TOX2: variants seen among roughly 807,000 people sequenced by gnomAD.
TOX2 encodes granulosa cell HMG box 1.
TOX2 carries 15 observed loss-of-function variants against 47.4 expected under a neutral mutation model. That is an observed-to-expected ratio of 0.32 (90% confidence interval 0.21 to 0.49). TOX2 has a LOEUF of 0.49. Ranked by LOEUF, TOX2 falls within the 20% of genes least tolerant of loss-of-function variation. TOX2 has a pLI of 0.99. For missense variants in TOX2, 622 were observed against 673.1 expected (o/e 0.92, Z 0.84); for synonymous variants, 290 against 296.6 (o/e 0.98, Z 0.23).
intron 1 of TOX2, among the ~76,000 whole-genome samples, chr20:43,927,634 TCCTTCCTCCCCTTCCCTTCCCTTCC>T (rs2069190350): frequency 3.1e-5 from 4 of 129,966 alleles, no homozygotes; most frequent in African/African-American, 6.3e-5. Context: ...CCTCCTTCCT[TCCTTCCTCCCCTTCCCTTCCCTTCC>T]CCTTCCTTCC....
chr20:43,973,374 G>A lies in TOX2; in HGVS notation c.107G>A (p.Gly36Asp). The change falls in exon 2 of 9, where the codon GGT (glycine) becomes GAT (aspartate). Residue 36 changes from glycine to aspartate, a missense_variant. Around this residue, in one of 3 missense-constraint regions of TOX2, gnomAD observed 307 missense variants for 327.3 expected, o/e 0.94. Coordinates refer to ENST00000341197, the MANE Select transcript of TOX2 (RefSeq NM_001098797.2). ...CCTCTCTCTCTATTCTAGTTTGATG[G>A]TGACAGTGCCTACGTGGGGATGAGT... ...LDYYHGGKFDGDSAYVGMSDG... is the reference protein window; with the variant it reads ...LDYYHGGKFDDDSAYVGMSDG... 1.2e-6 allele frequency: 2 copies of A among 1,614,104 alleles called. No individual in the cohort carries two copies. The highest frequency in any genetic ancestry group is 2.2e-5 in the South Asian group (2 of 91,068).
intron 4 of TOX2, among the ~76,000 whole-genome samples, chr20:44,053,622 A>G (rs1179772421): frequency 1.3e-5 from 2 of 148,738 alleles, no homozygotes; most frequent in Non-Finnish European, 2.9e-5. Context: ...ATACACACAC[A>G]CACACACGTA....
chr20:43,943,980 A>G (rs1007766883), intron 1 of TOX2, among the ~76,000 whole-genome samples: 10 of 152,216 alleles, frequency 6.6e-5, no homozygotes, highest in African/African-American at 1.4e-4. Flanking sequence ...TATCATCCTA[A>G]GCTTATATAA....
At chr20:43,983,546 G>A (rs1234267059) in intron 2 of TOX2, among the ~76,000 whole-genome samples, 1 of 152,176 alleles carries the variant, frequency 6.6e-6, no homozygotes, top group Non-Finnish European at 1.5e-5. Context: ...TTCCAGCAGG[G>A]GGCAGTGTCA....
At chr20:44,025,755 A>G (rs939507955) in intron 3 of TOX2, among the ~76,000 whole-genome samples, 4 of 151,820 alleles carry the variant, frequency 2.6e-5, no homozygotes, top group Non-Finnish European at 5.9e-5. Context: ...TGATGCCATC[A>G]GGAGAGCAGG....
intron 1 of TOX2, among the ~76,000 whole-genome samples, chr20:43,961,123 A>T (rs1432842751): frequency 6.6e-6 from 1 of 152,250 alleles, no homozygotes; most frequent in African/African-American, 2.4e-5. Context: ...GGGTGCCCCC[A>T]TGGCAGAGGG....
In TOX2 at chr20:44,040,311, AG is replaced by A. The variant is rs1305941049; in HGVS notation, c.412-10993del. Among the ~76,000 whole-genome samples, 7 of 152,342 alleles carry A rather than the reference AG, an allele frequency of 4.6e-5. No homozygotes were observed. The East Asian group carries it at 1.3e-3, about 29-fold the overall frequency. ...AGATGGGAGGAAATGTCAGAACCTT[AG>A]GAACACCAGCGTTTAGTGGGTGGGC... On this transcript the variant is annotated intron_variant, in intron 3 of 8. Coordinates refer to ENST00000341197, the MANE Select transcript of TOX2 (RefSeq NM_001098797.2).
intron 2 of TOX2, 122 bp downstream of exon 2, chr20:43,973,554 CTGAA>C (rs2070017086): frequency 1.3e-6 from 1 of 789,290 alleles, no homozygotes; most frequent in African/African-American, 1.7e-5. Flanking sequence ...TGTCTTCTCT[CTGAA>C]TGATCAAGAA....
intron 5 of TOX2, among the ~76,000 whole-genome samples, chr20:44,060,555 C>T (rs536462699): frequency 3.3e-5 from 5 of 152,188 alleles, no homozygotes; most frequent in Admixed American, 6.5e-5. Context: ...ATATCAAGTA[C>T]TCTCTCAGAA....
At chr20:44,053,196 CTGGAAGCCCTAAGTCAAG>C (rs1211381442) in intron 4 of TOX2, among the ~76,000 whole-genome samples, 2 of 152,180 alleles carry the variant, frequency 1.3e-5, no homozygotes, top group African/African-American at 4.8e-5. Context: ...CCACCCCATC[CTGGAAGCCCTAAGTCAAG>C]TGTTCACAGG....
intron 3 of TOX2, among the ~76,000 whole-genome samples, chr20:44,033,678 A>C (rs1284591518): frequency 1.3e-5 from 2 of 148,834 alleles, no homozygotes; most frequent in African/African-American, 5.1e-5. Context: ...GATACGGTTC[A>C]TCCAAAAAAA....
chr20:44,005,680 C>G (rs1334841964), intron 2 of TOX2, among the ~76,000 whole-genome samples: 1 of 152,144 alleles, frequency 6.6e-6, no homozygotes, highest in African/African-American at 2.4e-5. Flanking sequence ...GGAGAAAGGT[C>G]ATTTGAGCCT....
At position 44,029,635 on chromosome 20, in the gene TOX2, G is replaced by A. The variant is rs540926023; in HGVS notation, c.412-21671G>A. On this transcript the variant is annotated intron_variant, in intron 3 of 8. Coordinates refer to ENST00000341197, the MANE Select transcript of TOX2 (RefSeq NM_001098797.2). ...CATGTTCCAGTCACCCGCTTCTGCA[G>A]TTAGGATCCCCATGGGGAATTGCTG... is the stretch of plus-strand genomic sequence containing the variant. 4.7e-4 allele frequency among the ~76,000 whole-genome samples: 71 copies of A among 152,276 alleles called. No individual in the cohort carries two copies. The East Asian group carries it at 5.4e-3, about 12-fold the overall frequency.
At chr20:44,060,253 T>A (rs1469743582) in intron 5 of TOX2, among the ~76,000 whole-genome samples, 1 of 152,072 alleles carries the variant, frequency 6.6e-6, no homozygotes, top group East Asian at 1.9e-4. Flanking sequence ...TTTAAAAAAA[T>A]AATTACTACT....
chr20:44,024,127 C>T (rs1431907007), intron 3 of TOX2, among the ~76,000 whole-genome samples: 1 of 152,208 alleles, frequency 6.6e-6, no homozygotes, highest in Non-Finnish European at 1.5e-5. Flanking sequence ...ATACCATCTT[C>T]CTAAGATGAT....
At chr20:44,004,644 T>C (rs2070646531) in intron 2 of TOX2, among the ~76,000 whole-genome samples, 1 of 152,218 alleles carries the variant, frequency 6.6e-6, no homozygotes, top group South Asian at 2.1e-4. Flanking sequence ...TTTAGGTATC[T>C]TGTGCTTTCT....
At position 43,973,345 on chromosome 20, in the gene TOX2, TCTCC is replaced by T. The variant is rs2070010816; in HGVS notation, c.100-18_100-15del. 2 of 1,613,052 alleles carry T rather than the reference TCTCC, an allele frequency of 1.2e-6. No homozygotes were observed. Among genetic ancestry groups the T allele is most frequent in the Admixed American group, 3.3e-5 (2 of 59,984 alleles). On this transcript the variant is annotated intron_variant, in intron 1 of 8. Coordinates refer to ENST00000341197, the MANE Select transcript of TOX2 (RefSeq NM_001098797.2). Reference sequence around the variant, plus strand: ...TGAGAGCATTTTAATCAGAGCTGCTTCTCCCTCTCTCTCTATTCTAGTTTGATGG... The same window carrying T: ...TGAGAGCATTTTAATCAGAGCTGCTTCTCTCTCTCTATTCTAGTTTGATGG...
chr20:43,955,580 G>A (rs541195590), intron 1 of TOX2, among the ~76,000 whole-genome samples: 1 of 152,210 alleles, frequency 6.6e-6, no homozygotes, highest in East Asian at 1.9e-4. Context: ...AGGAAATTAG[G>A]GTTTGCAAAT....
chr20:44,026,362 G>A (rs2071069433), intron 3 of TOX2, among the ~76,000 whole-genome samples: 1 of 150,464 alleles, frequency 6.6e-6, no homozygotes, highest in African/African-American at 2.5e-5. Context: ...AGTAACTCAG[G>A]AATGGAAAAC....
Sources: allele counts gnomAD v4.1 joint callset (sites outside exome capture counted in the v4.1 genomes callset), GRCh38; gene constraint gnomAD v4.1.1; regional missense constraint gnomAD v4.1.1; transcripts MANE v1.5; gene names NCBI Gene and HGNC (gene_info 2026-07-23, HGNC 2026-07-21).